Variants in ARHGAP6 observed in about 807,000 individuals in gnomAD.
ARHGAP6 encodes the protein Rho GTPase activating protein 6, also known as rho GTPase-activating protein 6.
A neutral mutation model predicts 55.7 loss-of-function variants in ARHGAP6; 16 were observed. That is an observed-to-expected ratio of 0.29 (90% CI 0.19 to 0.44). The LOEUF (loss-of-function observed/expected upper bound fraction) is 0.44. Among genes scored for constraint, ARHGAP6 ranks in the 20% least tolerant of loss-of-function variants. ARHGAP6 has a pLI of 1.00. For missense variants in ARHGAP6, 698 were observed against 808.9 expected (o/e 0.86, Z 1.66); for synonymous variants, 382 against 360.9 (o/e 1.06, Z -0.66).
chrX:11,191,197 A>G (rs2046456117), intron 3 of ARHGAP6, among the ~76,000 whole-genome samples: 2 of 112,497 alleles, frequency 1.8e-5, no homozygotes, highest in African/African-American at 6.5e-5. Context: ...CTAGGATGCA[A>G]AATGATAAGG....
At chrX:11,366,570 T>G (rs951815323) in intron 1 of ARHGAP6, among the ~76,000 whole-genome samples, 1 of 111,421 alleles carries the variant, frequency 9.0e-6, no homozygotes. Context: ...GAAAGGTATT[T>G]GAGAGTAGAC....
chrX:11,447,242 G>T (rs2050101025), intron 1 of ARHGAP6, among the ~76,000 whole-genome samples: 1 of 112,196 alleles, frequency 8.9e-6, no homozygotes, highest in Non-Finnish European at 1.9e-5. Context: ...CCCATCTGTA[G>T]TTAGAACCTT....
intron 1 of ARHGAP6, among the ~76,000 whole-genome samples, chrX:11,433,851 T>C (rs1431934447): frequency 8.9e-6 from 1 of 112,690 alleles, no homozygotes; most frequent in African/African-American, 3.2e-5. Context: ...TTAATTAACC[T>C]GTTTTGCATA....
Position 11,138,309 on chromosome X carries a change from A to G in ARHGAP6, c.*554T>C, listed in dbSNP as rs1316056568. 1 of 111,942 alleles carries G rather than the reference A, an allele frequency of 8.9e-6. No homozygotes were observed. Among genetic ancestry groups the G allele is most frequent in the Non-Finnish European group, 1.9e-5 (1 of 53,130 alleles). The allele number at this position is 111,942 out of a possible 1,213,427, so 9.2% of individuals were successfully genotyped here. ...TTCTCATATTCTGCTTCCTCTTGTTAGTGTTTGGTATCGAAGGAAGGGTTA... is the reference window on the plus strand; with the variant it reads ...TTCTCATATTCTGCTTCCTCTTGTTGGTGTTTGGTATCGAAGGAAGGGTTA... On this transcript the variant is annotated 3_prime_UTR_variant, in exon 13 of 13. Transcript: ENST00000337414.
intron 1 of ARHGAP6, among the ~76,000 whole-genome samples, chrX:11,356,525 A>G (rs1208126592): frequency 8.9e-6 from 1 of 112,181 alleles, no homozygotes; most frequent in African/African-American, 3.2e-5. Flanking sequence ...ACCTCAACCT[A>G]AGTTGAAGTA....
At chrX:11,653,790 A>C (rs1358414748) in intron 1 of ARHGAP6, among the ~76,000 whole-genome samples, 1 of 111,802 alleles carries the variant, frequency 8.9e-6, no homozygotes, top group Non-Finnish European at 1.9e-5. Context: ...TCTGGTTCAG[A>C]GTCTAGCTGA....
intron 1 of ARHGAP6, among the ~76,000 whole-genome samples, chrX:11,497,591 G>C (rs866416973): frequency 3.3e-4 from 12 of 36,684 alleles, no homozygotes; most frequent in South Asian, 2.0e-3. Context: ...CTCTCTCTCT[G>C]CCATGTGAGG....
chrX:11,291,682 C>T (rs2047996723), intron 1 of ARHGAP6, among the ~76,000 whole-genome samples: 1 of 111,412 alleles, frequency 9.0e-6, no homozygotes, highest in African/African-American at 3.3e-5. Context: ...TCCTAAGGTC[C>T]ATTTTCCAAC....
At chrX:11,174,610 TTC>T (rs1489940652) in intron 8 of ARHGAP6, among the ~76,000 whole-genome samples, 2 of 95,228 alleles carry the variant, frequency 2.1e-5, no homozygotes, top group East Asian at 6.3e-4. Flanking sequence ...CTTTCTTTCT[TTC>T]TTTCTCTTTC....
intron 1 of ARHGAP6, among the ~76,000 whole-genome samples, chrX:11,304,011 C>T (rs1330666297): frequency 9.0e-6 from 1 of 111,720 alleles, no homozygotes; most frequent in Non-Finnish European, 1.9e-5. Flanking sequence ...GAGAACACTA[C>T]CCAGTTGGAA....
chrX:11,269,321 T>G (rs1161808422), intron 1 of ARHGAP6, among the ~76,000 whole-genome samples: 1 of 111,874 alleles, frequency 8.9e-6, no homozygotes, highest in Non-Finnish European at 1.9e-5. Flanking sequence ...GAGTAGTTGA[T>G]CAACTGGATG....
chrX:11,462,195 T>C (rs918524403), intron 1 of ARHGAP6, among the ~76,000 whole-genome samples: 5 of 111,698 alleles, frequency 4.5e-5, no homozygotes, highest in African/African-American at 1.6e-4. Context: ...GCTTTAGAAA[T>C]AGGTTCAATA....
chrX:11,613,355 G>T (rs760371096), intron 1 of ARHGAP6, among the ~76,000 whole-genome samples: 2 of 112,471 alleles, frequency 1.8e-5, no homozygotes, highest in Admixed American at 9.4e-5. Flanking sequence ...AGTGAACAGA[G>T]AAAGATGAAT....
chrX:11,573,373 G>A (rs12007846), intron 1 of ARHGAP6, among the ~76,000 whole-genome samples: 9,372 of 110,166 alleles, frequency 0.085, 420 homozygotes, highest in East Asian at 0.19. Flanking sequence ...TAAGGTGTAA[G>A]GAAGGGATCC....
At chrX:11,332,279 A>G (rs2048572060) in intron 1 of ARHGAP6, among the ~76,000 whole-genome samples, 2 of 112,180 alleles carry the variant, frequency 1.8e-5, no homozygotes, top group African/African-American at 6.5e-5. Context: ...GGGCTTCCCT[A>G]TGACGTCTGG....
At chrX:11,565,415 T>C (rs1295126595) in intron 1 of ARHGAP6, among the ~76,000 whole-genome samples, 1 of 112,465 alleles carries the variant, frequency 8.9e-6, no homozygotes, top group African/African-American at 3.2e-5. Context: ...TATGTTCTTC[T>C]CTGGATCCCA....
At chrX:11,479,349 A>G (rs2050433536) in intron 1 of ARHGAP6, among the ~76,000 whole-genome samples, 1 of 112,339 alleles carries the variant, frequency 8.9e-6, no homozygotes, top group African/African-American at 3.2e-5. Context: ...ATCAGAACAC[A>G]GCTCCAAAGA....
At chrX:11,568,850 T>C (rs2051479344) in intron 1 of ARHGAP6, among the ~76,000 whole-genome samples, 1 of 111,744 alleles carries the variant, frequency 8.9e-6, no homozygotes, top group South Asian at 3.7e-4. Flanking sequence ...TTTGGAGATA[T>C]TTTTAAAATG....
At chrX:11,485,912 A>G (rs2050506881) in intron 1 of ARHGAP6, among the ~76,000 whole-genome samples, 1 of 112,119 alleles carries the variant, frequency 8.9e-6, no homozygotes, top group Admixed American at 9.5e-5. Flanking sequence ...ATACCAATTG[A>G]AGAGCTGGTC....
Sources: allele counts gnomAD v4.1 joint callset (sites outside exome capture counted in the v4.1 genomes callset), GRCh38; gene constraint gnomAD v4.1.1; transcripts MANE v1.5; gene names NCBI Gene and HGNC (gene_info 2026-07-23, HGNC 2026-07-21).